Variants in EDAR observed in about 807,000 individuals in gnomAD.
EDAR encodes tumor necrosis factor receptor superfamily member EDAR.
EDAR carries 38 observed loss-of-function variants against 51.3 expected under a neutral mutation model. The ratio of observed to expected loss-of-function variants is 0.74; its 90% confidence interval spans 0.57 to 0.97. The LOEUF (loss-of-function observed/expected upper bound fraction) is 0.97, where lower values mean the gene tolerates loss of function less well. Ranked by LOEUF, EDAR falls within the 50% of genes least tolerant of loss-of-function variation. The pLI, the probability that EDAR is intolerant of heterozygous loss-of-function variation, is 0.00. For missense variants in EDAR, 528 were observed against 595.0 expected, an observed-to-expected ratio of 0.89 and a Z score of 1.17; for synonymous variants, 227 against 242.1, an observed-to-expected ratio of 0.94 and a Z score of 0.58.
chr2:108,974,970 AC>A (rs930088196), intron 1 of EDAR, among the ~76,000 whole-genome samples: 1 of 152,008 alleles, frequency 6.6e-6, no homozygotes, highest in Non-Finnish European at 1.5e-5. Context: ...GAGCCCATCA[AC>A]CCCTGAGCCT....
At chr2:108,966,543 CTA>C (rs569566501) in intron 1 of EDAR, among the ~76,000 whole-genome samples, 4 of 152,218 alleles carry the variant, frequency 2.6e-5, no homozygotes, top group Admixed American at 2.0e-4. Context: ...AACCTGAAGA[CTA>C]TGAGGAAGAG....
chr2:108,956,259 C>A (rs1392799830), intron 1 of EDAR, among the ~76,000 whole-genome samples: 1 of 152,168 alleles, frequency 6.6e-6, no homozygotes, highest in African/African-American at 2.4e-5. Context: ...CAATGAACAT[C>A]TTTGTGCCTG....
intron 1 of EDAR, among the ~76,000 whole-genome samples, chr2:108,959,512 T>C (rs1022577263): frequency 5.3e-5 from 8 of 152,200 alleles, no homozygotes; most frequent in African/African-American, 4.8e-5. Context: ...CTGTGATGCT[T>C]AAAACCTGTG....
chr2:108,961,019 C>T (rs1698028740), intron 1 of EDAR, among the ~76,000 whole-genome samples: 2 of 152,066 alleles, frequency 1.3e-5, no homozygotes, highest in East Asian at 3.8e-4. Context: ...CAATAGAGTC[C>T]CAGTGGTAGA....
chr2:108,934,235 G>A (rs1437916909), intron 1 of EDAR, among the ~76,000 whole-genome samples: 1 of 152,196 alleles, frequency 6.6e-6, no homozygotes, highest in African/African-American at 2.4e-5. Flanking sequence ...GAGAGGGTGA[G>A]TGGGGTCTGG....
rs73952567 is a variant in EDAR, at chr2:108,944,821, G to A, written c.-18-13789C>T. 9.9e-3 allele frequency among the ~76,000 whole-genome samples: 1,509 copies of A among 152,232 alleles called. 28 individuals carry two copies. Among genetic ancestry groups the A allele is most frequent in the African/African-American group, 0.034 (1,421 of 41,536 alleles). On this transcript the variant is annotated intron_variant, in intron 1 of 11. Transcript: ENST00000258443. ...AGAAGGCTGAGCCAGAGAGCTGACC[G>A]CAGAGGCCAAGCTTCTAATCCCAGG...
chr2:108,939,824 C>A (rs973092811), intron 1 of EDAR, among the ~76,000 whole-genome samples: 6 of 152,214 alleles, frequency 3.9e-5, no homozygotes, highest in South Asian at 2.1e-4. Context: ...GAAAGCAATA[C>A]TTTCAGCCTG....
At position 108,967,225 on chromosome 2, in the gene EDAR, G is replaced by A. The variant is rs533932447; in HGVS notation, c.-19+21735C>T. Among the ~76,000 whole-genome samples the A allele has an allele frequency of 3.8e-4, 58 of 152,294 alleles. 1 individual carries two copies. In the South Asian group the frequency reaches 4.3e-3, roughly 11 times the overall value. On this transcript the variant is annotated intron_variant, in intron 1 of 11. Transcript: ENST00000258443. ...GCTCAGATTACAGGCATGAGCCACT[G>A]CACCCGGCCAAATTATGTTTTTGAG...
Position 108,944,893 on chromosome 2 carries a change from G to A in EDAR, c.-18-13861C>T, listed in dbSNP as rs376042136. ...ACCTGCAGGTCCCAGAGGAACTGAC[G>A]CCGGGGAGGTGCTTTGAGCCCTTTG... On this transcript the variant is annotated intron_variant, in intron 1 of 11. Coordinates refer to ENST00000258443, the MANE Select transcript of EDAR (RefSeq NM_022336.4). Among the ~76,000 whole-genome samples the A allele has an allele frequency of 3.3e-5, 5 of 152,304 alleles. No individual in the cohort carries two copies. The East Asian group carries it at 7.7e-4, about 24-fold the overall frequency.
intron 1 of EDAR, among the ~76,000 whole-genome samples, chr2:108,944,849 A>G (rs1350176529): frequency 1.3e-5 from 2 of 152,182 alleles, no homozygotes; most frequent in Non-Finnish European, 2.9e-5. Flanking sequence ...ATCCCAGGCC[A>G]GGAGCTATGG....
intron 1 of EDAR, among the ~76,000 whole-genome samples, chr2:108,953,307 A>G (rs920288722): frequency 6.6e-6 from 1 of 152,170 alleles, no homozygotes; most frequent in Non-Finnish European, 1.5e-5. Context: ...AGTCTTGGCC[A>G]AGACCCACCG....
chr2:108,955,895 G>A (rs1697914302), intron 1 of EDAR, among the ~76,000 whole-genome samples: 1 of 151,944 alleles, frequency 6.6e-6, no homozygotes, highest in African/African-American at 2.4e-5. Context: ...CGGGCATGGT[G>A]GCAGGCGCCT....
intron 9 of EDAR, among the ~76,000 whole-genome samples, chr2:108,909,120 G>A (rs1294987463): frequency 1.3e-5 from 2 of 152,164 alleles, no homozygotes; most frequent in African/African-American, 4.8e-5. Flanking sequence ...TAATATTCGT[G>A]TATGAAAGCA....
intron 1 of EDAR, among the ~76,000 whole-genome samples, chr2:108,943,404 G>A (rs1275308787): frequency 6.6e-6 from 1 of 152,188 alleles, no homozygotes; most frequent in Admixed American, 6.5e-5. Context: ...GTTAAATTAT[G>A]TATGAATGGG....
intron 1 of EDAR, among the ~76,000 whole-genome samples, chr2:108,944,153 A>C (rs260712): frequency 6.6e-6 from 1 of 151,972 alleles, no homozygotes; most frequent in African/African-American, 2.4e-5. Context: ...TCGCTCTGTC[A>C]GCCAGGCTGG....
chr2:108,973,936 G>A (rs1421183889), intron 1 of EDAR, among the ~76,000 whole-genome samples: 1 of 152,188 alleles, frequency 6.6e-6, no homozygotes, highest in African/African-American at 2.4e-5. Flanking sequence ...GGAGCTGTAA[G>A]CATCACCTTT....
chr2:108,930,065 A>T lies in EDAR; in HGVS notation c.174+55T>A. 3.8e-6 allele frequency: 6 copies of T among 1,573,812 alleles called. No homozygotes were observed. The South Asian group carries it at 5.8e-5, about 15-fold the overall frequency. ...GGCAGGCTCAGGGCAACAATGCCAC[A>T]AGCAGGAGGCCTCCCCTGAGAGCGC... is the stretch of plus-strand genomic sequence containing the variant. On this transcript the variant is annotated intron_variant, in intron 3 of 11. Coordinates refer to ENST00000258443, the MANE Select transcript of EDAR (RefSeq NM_022336.4).
chr2:108,958,102 G>A (rs1454462860), intron 1 of EDAR, among the ~76,000 whole-genome samples: 1 of 152,034 alleles, frequency 6.6e-6, no homozygotes, highest in East Asian at 1.9e-4. Flanking sequence ...CAGACTAAAC[G>A]AACGCACACA....
intron 5 of EDAR, among the ~76,000 whole-genome samples, chr2:108,915,427 G>C (rs1697008377): frequency 6.6e-6 from 1 of 152,226 alleles, no homozygotes; most frequent in African/African-American, 2.4e-5. Context: ...GGAGGGACCA[G>C]GGCAGCTATG....
Sources: gnomAD v4.1 joint callset for allele counts (sites outside exome capture counted in the v4.1 genomes callset) on GRCh38, gnomAD v4.1.1 for gene constraint, MANE v1.5 for transcripts, NCBI Gene and HGNC (gene_info 2026-07-23, HGNC 2026-07-21) for gene names.